The following UNC5C variants were observed in gnomAD, a reference collection of about 807,000 sequenced individuals.
UNC5C encodes unc-5 netrin receptor C, also known as netrin receptor UNC5C.
Under a neutral mutation model 99.8 loss-of-function variants are expected in UNC5C, and 47 were observed. That is an observed-to-expected ratio of 0.47 (90% CI 0.37 to 0.60). UNC5C has a LOEUF of 0.60. Among genes scored for constraint, UNC5C ranks in the 20% least tolerant of loss-of-function variants. The pLI is 0.00. For synonymous variants in UNC5C, 487 were observed against 452.2 expected (o/e 1.08, Z -0.98); for missense variants, 1,062 against 1,165.9 (o/e 0.91, Z 1.30).
At chr4:95,393,573 C>A (rs1166221056) in intron 1 of UNC5C, among the ~76,000 whole-genome samples, 1 of 152,192 alleles carries the variant, frequency 6.6e-6, no homozygotes, top group East Asian at 1.9e-4. Flanking sequence ...ATACCATTGA[C>A]ATTTCCAAAT....
intron 1 of UNC5C, among the ~76,000 whole-genome samples, chr4:95,530,104 T>C (rs1722604395): frequency 6.6e-6 from 1 of 152,216 alleles, no homozygotes; most frequent in Admixed American, 6.5e-5. Flanking sequence ...GATATTTTCC[T>C]TTACATTTTT....
chr4:95,231,335 A>G (rs1448654115), intron 7 of UNC5C, among the ~76,000 whole-genome samples: 1 of 152,206 alleles, frequency 6.6e-6, no homozygotes, highest in East Asian at 1.9e-4. Flanking sequence ...ACAATAGATG[A>G]TAGATTCATA....
intron 10 of UNC5C, among the ~76,000 whole-genome samples, chr4:95,213,170 C>T (rs1327188755): frequency 2.6e-5 from 4 of 152,182 alleles, no homozygotes; most frequent in Non-Finnish European, 5.9e-5. Flanking sequence ...ATTTCTTCAC[C>T]CTTTGATAAA....
intron 4 of UNC5C, among the ~76,000 whole-genome samples, chr4:95,253,829 C>T (rs1308322725): frequency 6.6e-6 from 1 of 152,172 alleles, no homozygotes; most frequent in Non-Finnish European, 1.5e-5. Context: ...CCCCTCACCT[C>T]CTGTGCTGTA....
At chr4:95,235,017 A>C (rs1324789137) in intron 7 of UNC5C, among the ~76,000 whole-genome samples, 1 of 152,200 alleles carries the variant, frequency 6.6e-6, no homozygotes, top group Admixed American at 6.5e-5. Context: ...AAATAATGTA[A>C]AACTATAATT....
intron 3 of UNC5C, among the ~76,000 whole-genome samples, chr4:95,298,565 A>G (rs1347165777): frequency 6.6e-6 from 1 of 152,062 alleles, no homozygotes; most frequent in Non-Finnish European, 1.5e-5. Context: ...CCCCTCCTTC[A>G]GGTCTTCGCA....
At chr4:95,358,152 C>T (rs894913150) in intron 1 of UNC5C, among the ~76,000 whole-genome samples, 2 of 152,074 alleles carry the variant, frequency 1.3e-5, no homozygotes, top group Non-Finnish European at 2.9e-5. Flanking sequence ...TTACATGGTA[C>T]CAAAATTTTG....
chr4:95,480,921 T>C lies in UNC5C; in HGVS notation c.124+67813A>G, dbSNP rs1721130368. ...AATATCACACTGAATGGGCAAAAAC[T>C]GGAAGCATTCCCTTTGAAAACTGGC... On this transcript the variant is annotated intron_variant, in intron 1 of 15. Coordinates refer to ENST00000453304, the MANE Select transcript of UNC5C (RefSeq NM_003728.4). Among the ~76,000 whole-genome samples, 2 of 151,306 alleles carry C rather than the reference T, an allele frequency of 1.3e-5. 1 individual carries two copies. Among genetic ancestry groups the C allele is most frequent in the Admixed American group, 1.3e-4 (2 of 15,164 alleles).
chr4:95,393,949 T>A (rs1174216511), intron 1 of UNC5C, among the ~76,000 whole-genome samples: 1 of 151,970 alleles, frequency 6.6e-6, no homozygotes, highest in Non-Finnish European at 1.5e-5. Flanking sequence ...AAAGTCATGA[T>A]AATGACACTC....
At chr4:95,349,321 G>C (rs1484789020) in intron 1 of UNC5C, among the ~76,000 whole-genome samples, 1 of 58,310 alleles carries the variant, frequency 1.7e-5, no homozygotes, top group African/African-American at 3.7e-5. Context: ...GAGAGAGAAA[G>C]GGTGTGTGTG....
At chr4:95,217,878 G>C (rs1007496451) in intron 9 of UNC5C, among the ~76,000 whole-genome samples, 7 of 152,178 alleles carry the variant, frequency 4.6e-5, no homozygotes, top group Non-Finnish European at 8.8e-5. Context: ...GGATTAATGA[G>C]AAAAGGGTGG....
At position 95,540,551 on chromosome 4, in the gene UNC5C, A is replaced by G. The variant is rs540537585; in HGVS notation, c.124+8183T>C. The stretch of plus-strand genomic sequence containing the variant: ...CATCTTACAGAGGAGATCCAGAAGG[A>G]AAAAGGAAAGTTGCTAAATAAAATG... On this transcript the variant is annotated intron_variant, in intron 1 of 15. Coordinates refer to ENST00000453304, the MANE Select transcript of UNC5C (RefSeq NM_003728.4). Among the ~76,000 whole-genome samples, 303 of 152,276 alleles carry G rather than the reference A, an allele frequency of 2.0e-3. 3 individuals are homozygous for G. The highest frequency in any genetic ancestry group is 7.0e-3 in the African/African-American group (292 of 41,554).
intron 12 of UNC5C, among the ~76,000 whole-genome samples, chr4:95,197,433 A>G (rs1049330880): frequency 2.2e-4 from 34 of 152,298 alleles, no homozygotes; most frequent in African/African-American, 7.5e-4. Flanking sequence ...ATCATTTGCT[A>G]TGCTGAAGAT....
At chr4:95,301,195 ATTT>A (rs34905310) in intron 3 of UNC5C, among the ~76,000 whole-genome samples, 32 of 125,804 alleles carry the variant, frequency 2.5e-4, no homozygotes, top group South Asian at 1.0e-3. Flanking sequence ...TTTTTCCAGG[ATTT>A]TTTTTTTTTT....
rs33936765 is a variant in UNC5C at position 95,357,135 on chromosome 4, G to GTTTT, written c.125-21508_125-21505dup. Among the ~76,000 whole-genome samples, 621 of 146,050 alleles carry GTTTT rather than the reference G, an allele frequency of 4.3e-3. 1 individual carries two copies. Among genetic ancestry groups the GTTTT allele is most frequent in the Middle Eastern group, 0.033 (9 of 276 alleles). Reference sequence around the variant, plus strand: ...CTGATTTCTTGTTTTCCTTTTTTTTGTTTTTTTTTTTATTTAAAGACATGG... The same window carrying GTTTT: ...CTGATTTCTTGTTTTCCTTTTTTTTGTTTTTTTTTTTTTTTATTTAAAGACATGG... On this transcript the variant is annotated intron_variant, in intron 1 of 15. Coordinates refer to ENST00000453304, the MANE Select transcript of UNC5C (RefSeq NM_003728.4).
At chr4:95,257,203 A>G (rs1393361427) in intron 4 of UNC5C, among the ~76,000 whole-genome samples, 2 of 152,150 alleles carry the variant, frequency 1.3e-5, no homozygotes, top group Non-Finnish European at 2.9e-5. Context: ...AAGTCCTTAC[A>G]ACCAGCCTGG....
chr4:95,410,372 C>T (rs1481834286), intron 1 of UNC5C, among the ~76,000 whole-genome samples: 2 of 152,196 alleles, frequency 1.3e-5, no homozygotes, highest in Non-Finnish European at 2.9e-5. Flanking sequence ...ATGGATTTCA[C>T]CCAAGGGGTT....
chr4:95,365,002 A>G lies in UNC5C; in HGVS notation c.125-29371T>C, dbSNP rs561631762. Among the ~76,000 whole-genome samples, 4 of 151,824 alleles carry G rather than the reference A, an allele frequency of 2.6e-5. No individual in the cohort carries two copies. In the South Asian group the frequency reaches 6.2e-4, roughly 24 times the overall value. On this transcript the variant is annotated intron_variant, in intron 1 of 15. Transcript: ENST00000453304. Reference sequence around the variant, plus strand: ...GTATATATTTATTTACATGTAAAAAATAAATATTTAGGTCGGGTGCAGTGG... The same window carrying G: ...GTATATATTTATTTACATGTAAAAAGTAAATATTTAGGTCGGGTGCAGTGG...
chr4:95,251,678 A>G (rs1739740485), intron 4 of UNC5C, among the ~76,000 whole-genome samples: 2 of 152,224 alleles, frequency 1.3e-5, no homozygotes, highest in South Asian at 4.1e-4. Flanking sequence ...ATGTGGATAC[A>G]GGTAACCTTT....
Sources: gnomAD v4.1 joint callset for allele counts (sites outside exome capture counted in the v4.1 genomes callset) on GRCh38, gnomAD v4.1.1 for gene constraint, MANE v1.5 for transcripts, NCBI Gene and HGNC (gene_info 2026-07-23, HGNC 2026-07-21) for gene names.